Variants in MYO18A observed in about 807,000 individuals in gnomAD.
MYO18A encodes the protein unconventional myosin-XVIIIa.
Under a neutral mutation model 235.8 loss-of-function variants are expected in MYO18A, and 78 were observed. That is an observed-to-expected ratio of 0.33 (90% CI 0.28 to 0.40). MYO18A has a LOEUF of 0.40. MYO18A is among the 10% of genes least tolerant of loss of function. MYO18A has a pLI of 1.00. For synonymous variants in MYO18A, 977 were observed against 1,077.8 expected, an observed-to-expected ratio of 0.91 and a Z score of 1.83; for missense variants, 2,215 against 2,699.3, an observed-to-expected ratio of 0.82 and a Z score of 3.98.
chr17:29,177,294 T>C (rs865924838), intron 1 of MYO18A, among the ~76,000 whole-genome samples: 13 of 152,172 alleles, frequency 8.5e-5, no homozygotes, highest in South Asian at 2.1e-4. Context: ...CTCTTGTAAG[T>C]GATGATAAAC....
At chr17:29,107,796 G>A (rs140725104) in intron 19 of MYO18A, 5,325 of 151,914 alleles carry the variant, frequency 0.035, 221 homozygotes, top group African/African-American at 0.098. Flanking sequence ...CATGCCTGTA[G>A]TCCCAGCTAC....
At chr17:29,176,734 G>A (rs573045324) in intron 1 of MYO18A, 1 of 152,426 alleles carries the variant, frequency 6.6e-6, no homozygotes, top group Non-Finnish European at 1.5e-5. Context: ...GAGCTCCGCA[G>A]CGCCGGGTGA....
Position 29,111,878 on chromosome 17 carries a change from G to A in MYO18A, c.2599-15C>T, listed in dbSNP as rs1262431412. The A allele has an allele frequency of 1.9e-6, 3 of 1,603,252 alleles. No individual in the cohort carries two copies. The South Asian group carries it at 3.3e-5, about 18-fold the overall frequency. Reference sequence around the variant, plus strand: ...AGCGAGCGGACCTACAGAGAAGGAAGGAAATCCCTCCTTGTCATATGGAGC... The same window carrying A: ...AGCGAGCGGACCTACAGAGAAGGAAAGAAATCCCTCCTTGTCATATGGAGC... On this transcript the variant is annotated splice_polypyrimidine_tract_variant and intron_variant, in intron 15 of 41. Transcript: ENST00000527372. The surrounding 1 kb of genome is among the most constrained non-coding windows in gnomAD (Gnocchi z 5.1).
chr17:29,078,762 G>A (rs969969916), intron 41 of MYO18A: 1 of 152,290 alleles, frequency 6.6e-6, no homozygotes, highest in Admixed American at 6.5e-5. Context: ...CATGGTGGGG[G>A]TGTGGGCATA....
At chr17:29,091,463 CA>C in intron 34 of MYO18A, 1 of 352,876 alleles carries the variant, frequency 2.8e-6, no homozygotes, top group Middle Eastern at 7.5e-4. Context: ...CCTGTAATTC[CA>C]AACCAAAATG....
In MYO18A at chr17:29,166,948, G is replaced by A; in HGVS notation, c.-8C>T. 6.6e-7 allele frequency: 1 copy of A among 1,526,434 alleles called. No individual in the cohort carries two copies. Among genetic ancestry groups the A allele is most frequent in the Non-Finnish European group, 8.8e-7 (1 of 1,132,250 alleles). 94.6% of individuals were successfully genotyped at this position (1,526,434 alleles called of 1,614,324 possible). On this transcript the variant is annotated 5_prime_UTR_variant, in exon 2 of 42. Transcript: ENST00000527372. ...CTTCATTAGGTTAAACATGGTGGGG[G>A]TGCTGTTTGTAGGGGTAGCACCCCC...
In MYO18A at chr17:29,115,856, AG is replaced by A. The variant is rs758597349; in HGVS notation, c.2051-17del. 8.9e-6 allele frequency: 14 copies of A among 1,565,788 alleles called. No individual in the cohort carries two copies. In the African/African-American group the frequency reaches 1.8e-4, roughly 20 times the overall value. ...TTGCGCCCAGCTGTGGAGTGGAAAA[AG>A]GGATCTGGCATCCTGGGTCTTTTTC... On this transcript the variant is annotated splice_polypyrimidine_tract_variant and intron_variant, in intron 11 of 41. Coordinates refer to ENST00000527372, the MANE Select transcript of MYO18A (RefSeq NM_078471.4).
rs1182958688 is a variant in MYO18A, at chr17:29,071,532, G to A, written c.*3238C>T. 1 of 152,186 alleles carries A rather than the reference G, an allele frequency of 6.6e-6. No homozygotes were observed. Among genetic ancestry groups the A allele is most frequent in the Non-Finnish European group, 1.5e-5 (1 of 68,048 alleles). The allele number at this position is 152,186 out of a possible 1,614,324, so 9.4% of individuals were successfully genotyped here. On this transcript the variant is annotated 3_prime_UTR_variant, in exon 42 of 42. Transcript: ENST00000527372. ...GTTCTACCAGCACCTCTCTTTCCCT[G>A]CCCCAGGACCTTTACTTAAACTCTT...
chr17:29,143,804 A>G (rs989219809), intron 2 of MYO18A, among the ~76,000 whole-genome samples: 11 of 152,278 alleles, frequency 7.2e-5, no homozygotes, highest in African/African-American at 2.4e-4. Flanking sequence ...TTTCTGCTCC[A>G]TCCTGTACTG....
chr17:29,137,125 G>C (rs1175509228), intron 2 of MYO18A: 2 of 152,188 alleles, frequency 1.3e-5, no homozygotes, highest in African/African-American at 2.4e-5. Context: ...CGAGAGCGCT[G>C]CAACTATTAA....
chr17:29,124,276 G>A (rs1420186504), intron 2 of MYO18A, among the ~76,000 whole-genome samples: 1 of 152,202 alleles, frequency 6.6e-6, no homozygotes, highest in Non-Finnish European at 1.5e-5. Context: ...GTTCAGGCAT[G>A]GGCTGGGAAG....
In MYO18A at chr17:29,117,830, C is replaced by G. The variant is rs2067109559; in HGVS notation, c.2038+215G>C. ...CATGCTTCCTCATGGTGCCCCCCAG[C>G]ACAGCCAGCTAAGTCCAGGCCTCGG... is the stretch of plus-strand genomic sequence containing the variant. On this transcript the variant is annotated intron_variant, in intron 10 of 41. Coordinates refer to ENST00000527372, the MANE Select transcript of MYO18A (RefSeq NM_078471.4). The surrounding 1 kb of genome is among the most constrained non-coding windows in gnomAD (Gnocchi z 4.6). Among the ~76,000 whole-genome samples, 1 of 152,236 alleles carries G rather than the reference C, an allele frequency of 6.6e-6. No homozygotes were observed. The highest frequency in any genetic ancestry group is 1.5e-5 in the Non-Finnish European group (1 of 68,038).
At chr17:29,080,775 C>T (rs562581966) in intron 41 of MYO18A, 13 of 985,522 alleles carry the variant, frequency 1.3e-5, no homozygotes, top group African/African-American at 8.7e-5. Flanking sequence ...CGCACTCCTC[C>T]GGCTCCTCGG....
chr17:29,165,719 TG>T (rs2068265175), intron 2 of MYO18A, among the ~76,000 whole-genome samples: 1 of 152,158 alleles, frequency 6.6e-6, no homozygotes, highest in African/African-American at 2.4e-5. Flanking sequence ...TTAAACCTGG[TG>T]GGGGTGCTGT....
rs2067726582 is a variant in MYO18A, at chr17:29,140,952, G to T, written c.1000-18699C>A. Among the ~76,000 whole-genome samples the T allele has an allele frequency of 6.6e-6, 1 of 152,216 alleles. No homozygotes were observed. Among genetic ancestry groups the T allele is most frequent in the Non-Finnish European group, 1.5e-5 (1 of 68,044 alleles). On this transcript the variant is annotated intron_variant, in intron 2 of 41. Transcript: ENST00000527372. This position sits in a 1 kb window ranked among gnomAD's most constrained non-coding sequence, Gnocchi z 4.2. ...CGTCACATCCAAGACAGCACACGGGGCCCACTGCACACTGTGCCCAAACAG... is the reference window on the plus strand; with the variant it reads ...CGTCACATCCAAGACAGCACACGGGTCCCACTGCACACTGTGCCCAAACAG...
At chr17:29,085,550 G>T in intron 40 of MYO18A, 54 bp downstream of exon 40, 3 of 1,569,406 alleles carry the variant, frequency 1.9e-6, no homozygotes, top group Non-Finnish European at 2.6e-6. Context: ...CAGTGTTAGG[G>T]GTGGTTAGAC....
At chr17:29,154,612 AT>A in intron 2 of MYO18A, among the ~76,000 whole-genome samples, 1 of 152,184 alleles carries the variant, frequency 6.6e-6, no homozygotes, top group Admixed American at 6.5e-5. Context: ...ATCTTGAGGC[AT>A]GGCCAAGTGA....
At chr17:29,168,961 G>A (rs983902306) in intron 1 of MYO18A, among the ~76,000 whole-genome samples, 1 of 152,152 alleles carries the variant, frequency 6.6e-6, no homozygotes, top group African/African-American at 2.4e-5. Flanking sequence ...CCAGAGGTCA[G>A]GAGTTCGAGA....
chr17:29,141,984 G>A (rs1048443286), intron 2 of MYO18A, among the ~76,000 whole-genome samples: 2 of 151,916 alleles, frequency 1.3e-5, no homozygotes, highest in African/African-American at 4.8e-5. Flanking sequence ...TCGCTCTGTC[G>A]CCCAGGCTGG....
Sources: gnomAD v4.1 joint callset for allele counts (sites outside exome capture counted in the v4.1 genomes callset) on GRCh38, gnomAD v4.1.1 for gene constraint, Gnocchi (gnomAD v3.1) non-coding constraint, MANE v1.5 for transcripts, NCBI Gene and HGNC (gene_info 2026-07-23, HGNC 2026-07-21) for gene names.